TMEM131L: variants seen among roughly 807,000 people sequenced by gnomAD.
TMEM131L encodes the protein transmembrane 131 like.
A neutral mutation model predicts 192.2 loss-of-function variants in TMEM131L; 54 were observed. The ratio of observed to expected loss-of-function variants is 0.28; its 90% CI spans 0.23 to 0.35. The LOEUF is 0.35. Among genes scored for constraint, TMEM131L ranks in the 10% least tolerant of loss-of-function variants. The pLI, the probability that TMEM131L is intolerant of heterozygous loss-of-function variation, is 1.00. For missense variants in TMEM131L, 1,888 were observed against 1,972.9 expected, an observed-to-expected ratio of 0.96 and a Z score of 0.82; for synonymous variants, 701 against 704.9, an observed-to-expected ratio of 0.99 and a Z score of 0.09.
rs772045201 is a variant in TMEM131L at position 153,593,788 on chromosome 4, T to C, written c.1923-11T>C. ...GAGTGCTGTTTTAAACATTTGCTTT[T>C]TTCCTTATAGGTTTGGCACTGATAT... On this transcript the variant is annotated splice_polypyrimidine_tract_variant and intron_variant, in intron 18 of 34. Transcript: ENST00000409959. 1.9e-6 allele frequency: 3 copies of C among 1,600,380 alleles called. No homozygotes were observed. The East Asian group carries it at 6.7e-5, about 36-fold the overall frequency.
At chr4:153,625,857 G>A (rs945155165) in intron 29 of TMEM131L, among the ~76,000 whole-genome samples, 5 of 151,572 alleles carry the variant, frequency 3.3e-5, no homozygotes, top group Non-Finnish European at 7.4e-5. Context: ...GCAGTGTGCC[G>A]AGATCACACC....
chr4:153,565,686 AAAG>A (rs1290413795), intron 7 of TMEM131L, among the ~76,000 whole-genome samples: 1 of 152,170 alleles, frequency 6.6e-6, no homozygotes, highest in African/African-American at 2.4e-5. Context: ...TTATGGCTAA[AAAG>A]AAGATGCAAC....
At chr4:153,558,446 T>A in intron 7 of TMEM131L, 78 bp downstream of exon 7, 3 of 763,276 alleles carry the variant, frequency 3.9e-6, no homozygotes, top group Non-Finnish European at 6.4e-6. Flanking sequence ...ATTTTACTAT[T>A]TTCTGCTTTT....
At chr4:153,560,132 C>T (rs1293623406) in intron 7 of TMEM131L, among the ~76,000 whole-genome samples, 1 of 152,206 alleles carries the variant, frequency 6.6e-6, no homozygotes, top group Non-Finnish European at 1.5e-5. Flanking sequence ...TTTATCTAGA[C>T]TTCCGCTCCC....
chr4:153,587,752 T>C lies in TMEM131L; in HGVS notation c.1493T>C (p.Leu498Pro). The C allele has an allele frequency of 1.2e-6, 2 of 1,611,010 alleles. No individual in the cohort carries two copies. Among genetic ancestry groups the C allele is most frequent in the Non-Finnish European group, 1.7e-6 (2 of 1,177,164 alleles). ...IYSAPTKEGS[L>P]GFEVIAHCGM... ...TACTTTTCAATCTAGGAAGGGAGTC[T>C]GGGTTTTGAAGTGATAGCACATTGT... The change falls in exon 15 of 35, where the codon CTG (leucine) becomes CCG (proline). Residue 498 changes from leucine to proline, a missense_variant. Leu to Pro is a moderately conservative substitution (Grantham distance 98). Coordinates refer to ENST00000409959, the MANE Select transcript of TMEM131L (RefSeq NM_001131007.2).
chr4:153,549,864 T>C (rs1414511252), intron 3 of TMEM131L, among the ~76,000 whole-genome samples: 3 of 152,390 alleles, frequency 2.0e-5, no homozygotes, highest in East Asian at 3.8e-4. Context: ...ACATTTGATA[T>C]GAAGTTCTAC....
rs898312329 is a variant in TMEM131L at position 153,636,557 on chromosome 4, G to C, written c.4814G>C (p.Ser1605Thr). The stretch of plus-strand genomic sequence containing the variant: ...AATTTCCCACTGTCTAGAGACTCGA[G>C]TTACTGTGGGAATGTGTGAAAATAA... ...NANFPLSRDS[S>T]YCGNV Residue 1605 changes from serine (S) to threonine (T), a missense_variant, in exon 35 of 35, where the codon AGT becomes ACT. Physicochemically the swap from Ser to Thr is moderately conservative, Grantham distance 58. Coordinates refer to ENST00000409959, the MANE Select transcript of TMEM131L (RefSeq NM_001131007.2). 6.2e-7 allele frequency: 1 copy of C among 1,613,304 alleles called. No individual in the cohort carries two copies. Among genetic ancestry groups the C allele is most frequent in the Admixed American group, 1.7e-5 (1 of 60,006 alleles).
chr4:153,635,066 C>T (rs1037906914), intron 33 of TMEM131L, among the ~76,000 whole-genome samples: 5 of 152,106 alleles, frequency 3.3e-5, no homozygotes, highest in African/African-American at 4.8e-5. Context: ...GTGTAGGTCG[C>T]TGAGGTTGGC....
intron 17 of TMEM131L, 38 bp from the exon 18 acceptor site, chr4:153,592,437 C>T (rs143631154): frequency 7.3e-7 from 1 of 1,375,800 alleles, no homozygotes; most frequent in African/African-American, 1.4e-5. Context: ...GATGCTGTGT[C>T]CCTCTCGGGG....
At chr4:153,585,695 TAATA>T (rs1561215861) in intron 13 of TMEM131L, 84 bp downstream of exon 13, 1 of 837,380 alleles carries the variant, frequency 1.2e-6, no homozygotes, top group Non-Finnish European at 1.7e-6. Context: ...TTCTATAAAA[TAATA>T]AAAAATATTC....
At chr4:153,550,229 T>C (rs1737504934) in intron 4 of TMEM131L, 88 bp downstream of exon 4, 3 of 541,512 alleles carry the variant, frequency 5.5e-6, no homozygotes, top group East Asian at 6.6e-5. Context: ...CAATGTTAAA[T>C]TTTAGGTATA....
At chr4:153,606,161 C>T (rs1732219347) in intron 25 of TMEM131L, among the ~76,000 whole-genome samples, 1 of 152,212 alleles carries the variant, frequency 6.6e-6, no homozygotes. Context: ...CTCTCCCAGA[C>T]ACTCTCTGGG....
At chr4:153,535,438 C>T (rs912166859) in intron 3 of TMEM131L, among the ~76,000 whole-genome samples, 3 of 152,012 alleles carry the variant, frequency 2.0e-5, no homozygotes, top group South Asian at 2.1e-4. Context: ...AGCATTGAGT[C>T]ATTTTAGATT....
chr4:153,472,042 G>C lies in TMEM131L; in HGVS notation c.196-1803G>C, dbSNP rs150848570. ...TATTTGGTAATCTTTTTGTCATAGA[G>C]ATTTATTTTTGGTTTAATCAACTTC... On this transcript the variant is annotated intron_variant, in intron 2 of 34. Transcript: ENST00000409959. Among the ~76,000 whole-genome samples, 8 of 152,036 alleles carry C rather than the reference G, an allele frequency of 5.3e-5. No individual in the cohort carries two copies. In the East Asian group the frequency reaches 1.5e-3, roughly 29 times the overall value.
Position 153,555,847 on chromosome 4 carries a change from G to A in TMEM131L, c.369G>A (p.Glu123=), listed in dbSNP as rs1479955430. The A allele has an allele frequency of 6.4e-7, 1 of 1,551,724 alleles. No homozygotes were observed. The highest frequency in any genetic ancestry group is 2.0e-5 in the Admixed American group (1 of 50,992). Residue 123 remains glutamate, a synonymous_variant, in exon 5 of 35, where the codon GAG becomes GAA. Coordinates refer to ENST00000409959, the MANE Select transcript of TMEM131L (RefSeq NM_001131007.2). This position sits in a 1 kb window ranked among gnomAD's most constrained non-coding sequence, Gnocchi z 4.1. ...CTTACAACCCTAGTAGGGACAGCGAGGTTGTGGTGAATTCAGTGTTTGCAG... is the reference window on the plus strand; with the variant it reads ...CTTACAACCCTAGTAGGGACAGCGAAGTTGTGGTGAATTCAGTGTTTGCAG... ...LHAYNPSRDS[E]VVVNSVFAAA...
chr4:153,584,896 A>C lies in TMEM131L; in HGVS notation c.1122A>C (p.Thr374=). The C allele has an allele frequency of 1.9e-6, 3 of 1,614,078 alleles. No homozygotes were observed. Among genetic ancestry groups the C allele is most frequent in the Non-Finnish European group, 2.5e-6 (3 of 1,179,916 alleles). ...TGAAGAAAACAACACACACTCCAAC[A>C]CTAAAAGCATGCCTCTTCTCTTCTG... ...EDVKKTTHTP[T]LKACLFSSVA... Residue 374 remains threonine, a synonymous_variant, in exon 12 of 35, where the codon ACA becomes ACC. Coordinates refer to ENST00000409959, the MANE Select transcript of TMEM131L (RefSeq NM_001131007.2).
chr4:153,583,983 G>T (rs1730533705), intron 11 of TMEM131L, among the ~76,000 whole-genome samples: 1 of 152,178 alleles, frequency 6.6e-6, no homozygotes, highest in Non-Finnish European at 1.5e-5. Context: ...GGGAAAATTG[G>T]CAAATCTCTA....
At chr4:153,550,451 C>T (rs1045414133) in intron 4 of TMEM131L, among the ~76,000 whole-genome samples, 25 of 152,194 alleles carry the variant, frequency 1.6e-4, no homozygotes, top group South Asian at 8.3e-4. Context: ...CTCAGCCTCC[C>T]GAGTAGCTGG....
At chr4:153,620,114 G>C (rs759499088) in intron 26 of TMEM131L, among the ~76,000 whole-genome samples, 102 of 152,200 alleles carry the variant, frequency 6.7e-4, no homozygotes, top group Non-Finnish European at 1.8e-4. Context: ...TCCCTCTCCC[G>C]TTGGGTCTGT....
Sources: gnomAD v4.1 joint callset for allele counts (sites outside exome capture counted in the v4.1 genomes callset) on GRCh38, gnomAD v4.1.1 for gene constraint, Gnocchi (gnomAD v3.1) non-coding constraint, MANE v1.5 for transcripts, NCBI Gene and HGNC (gene_info 2026-07-23, HGNC 2026-07-21) for gene names.